Variants in RBFOX1 observed in about 807,000 individuals in gnomAD.
RBFOX1 encodes the protein RNA binding protein fox-1 homolog 1.
In RBFOX1, 8 loss-of-function variants were observed where a neutral mutation model predicts 57.7. The ratio of observed to expected loss-of-function variants is 0.14; its 90% CI spans 0.08 to 0.25. The LOEUF (loss-of-function observed/expected upper bound fraction) is 0.25. Among genes scored for constraint, RBFOX1 ranks in the 10% least tolerant of loss-of-function variants. RBFOX1 has a pLI of 1.00. For synonymous variants in RBFOX1, 326 were observed against 222.4 expected, an observed-to-expected ratio of 1.47 and a Z score of -4.15; for missense variants, 611 against 548.5, an observed-to-expected ratio of 1.11 and a Z score of -1.14.
chr16:5,900,768 T>C (rs2058287241), intron 4 of RBFOX1, among the ~76,000 whole-genome samples: 1 of 152,068 alleles, frequency 6.6e-6, no homozygotes, highest in Non-Finnish European at 1.5e-5. Flanking sequence ...GCCAGGAATG[T>C]CAAATTAGCC....
chr16:5,806,783 G>T (rs941416445), intron 3 of RBFOX1, among the ~76,000 whole-genome samples: 4 of 152,212 alleles, frequency 2.6e-5, no homozygotes, highest in Non-Finnish European at 1.5e-5. Context: ...AGAGGTGACT[G>T]CAGGATCACT....
intron 3 of RBFOX1, among the ~76,000 whole-genome samples, chr16:6,912,985 C>A (rs1243649767): frequency 1.3e-5 from 2 of 151,978 alleles, no homozygotes; most frequent in Admixed American, 6.6e-5. Context: ...GGCTGTTACC[C>A]AACACTGTGC....
chr16:6,011,873 T>A (rs759361967), intron 4 of RBFOX1, among the ~76,000 whole-genome samples: 12 of 152,130 alleles, frequency 7.9e-5, no homozygotes, highest in Admixed American at 4.6e-4. Flanking sequence ...CTTTGTTAGT[T>A]TGAGGTAAAA....
intron 2 of RBFOX1, among the ~76,000 whole-genome samples, chr16:6,350,284 A>C (rs1281670889): frequency 6.6e-6 from 1 of 151,708 alleles, no homozygotes; most frequent in Non-Finnish European, 1.5e-5. Context: ...TAAAAATACA[A>C]AATTAGCCGG....
At chr16:6,393,354 G>A (rs929092843) in intron 2 of RBFOX1, among the ~76,000 whole-genome samples, 5 of 152,210 alleles carry the variant, frequency 3.3e-5, no homozygotes, top group African/African-American at 9.6e-5. Context: ...CACCTGTGGA[G>A]CTTAGCAGTG....
chr16:6,149,222 C>T (rs543723296), intron 1 of RBFOX1, among the ~76,000 whole-genome samples: 10 of 152,172 alleles, frequency 6.6e-5, no homozygotes, highest in African/African-American at 2.2e-4. Flanking sequence ...TGTGTGTGTG[C>T]GCGCGCGTGC....
intron 4 of RBFOX1, among the ~76,000 whole-genome samples, chr16:7,409,812 A>T (rs2098404538): frequency 6.6e-6 from 1 of 152,196 alleles, no homozygotes; most frequent in Non-Finnish European, 1.5e-5. Context: ...AGGAGCTGTG[A>T]AATTTCTCTT....
At chr16:6,080,405 C>G (rs917338310) in intron 1 of RBFOX1, among the ~76,000 whole-genome samples, 1 of 152,304 alleles carries the variant, frequency 6.6e-6, no homozygotes, top group East Asian at 1.9e-4. Flanking sequence ...ACTGGGACCA[C>G]TTGGTAGATT....
intron 3 of RBFOX1, among the ~76,000 whole-genome samples, chr16:5,810,041 T>C (rs1233611892): frequency 6.6e-6 from 1 of 152,026 alleles, no homozygotes; most frequent in East Asian, 1.9e-4. Flanking sequence ...TGGATGAAAT[T>C]GGAAATCATC....
intron 3 of RBFOX1, among the ~76,000 whole-genome samples, chr16:5,669,874 T>G (rs2049964581): frequency 6.6e-6 from 1 of 152,336 alleles, no homozygotes; most frequent in African/African-American, 2.4e-5. Context: ...CCACAAAAGA[T>G]TTGTACATGA....
intron 4 of RBFOX1, among the ~76,000 whole-genome samples, chr16:7,268,862 C>T (rs866674020): frequency 2.0e-5 from 3 of 151,632 alleles, no homozygotes; most frequent in African/African-American, 4.8e-5. Context: ...CATGGTGAAA[C>T]CCCATCTCTA....
intron 3 of RBFOX1, among the ~76,000 whole-genome samples, chr16:6,728,611 C>G (rs4786112): frequency 0.86 from 130,313 of 152,208 alleles, 58,309 homozygotes; most frequent in South Asian, 0.98. Context: ...CAGAAGCTGC[C>G]TCATATTGGA....
Position 5,974,122 on chromosome 16 carries a change from A to T in RBFOX1, c.351+106787A>T, listed in dbSNP as rs887268. Among the ~76,000 whole-genome samples the T allele has an allele frequency of 2.6e-5, 4 of 152,124 alleles. No homozygotes were observed. The South Asian group carries it at 8.3e-4, about 32-fold the overall frequency. ...GCTCAGCCCAGTGAGAATAGAATAC[A>T]TTCTTAACCATTGTTCTCTATATGG... On this transcript the variant is annotated intron_variant, in intron 4 of 19. Coordinates refer to the RBFOX1 transcript ENST00000641259.
rs890583126 is a variant in RBFOX1, at chr16:7,015,221, G to A, written c.-15-36836G>A. 5.3e-5 allele frequency among the ~76,000 whole-genome samples: 8 copies of A among 152,136 alleles called. No homozygotes were observed. The East Asian group carries it at 1.4e-3, about 26-fold the overall frequency. ...AGATGCATCCAGTGGCATTGTGAAG[G>A]CATTAGTATCATTATAGGCGCTGAG... On this transcript the variant is annotated intron_variant, in intron 3 of 15. Transcript: ENST00000550418.
intron 4 of RBFOX1, among the ~76,000 whole-genome samples, chr16:7,440,681 C>T (rs1035785976): frequency 1.3e-5 from 2 of 152,238 alleles, no homozygotes; most frequent in South Asian, 2.1e-4. Context: ...GAATGAGTAA[C>T]ACAGTACTGA....
At chr16:6,556,968 A>C (rs1194828352) in intron 2 of RBFOX1, among the ~76,000 whole-genome samples, 1 of 148,254 alleles carries the variant, frequency 6.7e-6, no homozygotes, top group African/African-American at 2.5e-5. Context: ...TATATATATA[A>C]ATATACACAC....
intron 4 of RBFOX1, among the ~76,000 whole-genome samples, chr16:7,053,813 C>A (rs2050940650): frequency 6.6e-6 from 1 of 152,180 alleles, no homozygotes; most frequent in African/African-American, 2.4e-5. Context: ...CCATCTCTAA[C>A]ATCACGAACC....
intron 4 of RBFOX1, among the ~76,000 whole-genome samples, chr16:7,099,615 G>A (rs2151319124): frequency 6.6e-6 from 1 of 152,212 alleles, no homozygotes; most frequent in Non-Finnish European, 1.5e-5. Context: ...GAGGACACGT[G>A]CCCAAGGTGG....
chr16:7,624,081 A>T (rs2059714536), intron 10 of RBFOX1, among the ~76,000 whole-genome samples: 2 of 152,156 alleles, frequency 1.3e-5, no homozygotes, highest in Admixed American at 6.5e-5. Flanking sequence ...TCTGGTTGGT[A>T]AGGTTTTTGG....
Sources: gnomAD v4.1 joint callset for allele counts (sites outside exome capture counted in the v4.1 genomes callset) on GRCh38, gnomAD v4.1.1 for gene constraint, MANE v1.5 for transcripts, NCBI Gene and HGNC (gene_info 2026-07-23, HGNC 2026-07-21) for gene names.